TMEM161A: variants seen among roughly 807,000 people sequenced by gnomAD.
TMEM161A encodes the protein adaptive response to oxidative stress protein 29.
Under a neutral mutation model 57.1 loss-of-function variants are expected in TMEM161A, and 46 were observed. That is an observed-to-expected ratio of 0.81 (90% CI 0.64 to 1.03). The LOEUF (loss-of-function observed/expected upper bound fraction) is 1.03, where lower values mean the gene tolerates loss of function less well. TMEM161A is among the 50% of genes least tolerant of loss of function. The pLI is 0.00. For missense variants in TMEM161A, 601 were observed against 621.5 expected, an observed-to-expected ratio of 0.97 and a Z score of 0.35; for synonymous variants, 288 against 279.0, an observed-to-expected ratio of 1.03 and a Z score of -0.32.
chr19:19,132,663 C>T lies in TMEM161A; in HGVS notation c.280G>A (p.Ala94Thr). 1 of 1,568,820 alleles carries T rather than the reference C, an allele frequency of 6.4e-7. No homozygotes were observed. The highest frequency in any genetic ancestry group is 1.4e-5 in the African/African-American group (1 of 74,010). Reference sequence around the variant, plus strand: ...GATGGGACTGGGCTATTACCCAGGGCATCCACGGTCGTGAGGGGGCAGGTC... The same window carrying T: ...GATGGGACTGGGCTATTACCCAGGGTATCCACGGTCGTGAGGGGGCAGGTC... ...LETCPLTTVD[A>T]LVLRFFLEYQ... The change falls in exon 4 of 12, where the codon GCC becomes ACC. Residue 94 changes from alanine to threonine, a missense_variant. Transcript: ENST00000162044. The surrounding 1 kb of genome is among the most constrained non-coding windows in gnomAD (Gnocchi z 4.3).
Position 19,126,932 on chromosome 19 carries a change from A to G in TMEM161A, c.595+3224T>C, listed in dbSNP as rs550940809. On this transcript the variant is annotated intron_variant, in intron 6 of 11. Coordinates refer to ENST00000162044, the MANE Select transcript of TMEM161A (RefSeq NM_017814.3). Reference sequence around the variant, plus strand: ...TGTGGTGGTGGGAGCCTGTAGTCCCAGCTACTTGGGAGCCTGAGGCATGAG... The same window carrying G: ...TGTGGTGGTGGGAGCCTGTAGTCCCGGCTACTTGGGAGCCTGAGGCATGAG... Among the ~76,000 whole-genome samples the G allele has an allele frequency of 7.3e-5, 11 of 151,480 alleles. No individual in the cohort carries two copies. The South Asian group carries it at 2.3e-3, about 32-fold the overall frequency.
In TMEM161A at chr19:19,119,880, C is replaced by G; in HGVS notation, c.*50G>C. The G allele has an allele frequency of 6.5e-6, 10 of 1,535,340 alleles. No individual in the cohort carries two copies. Among genetic ancestry groups the G allele is most frequent in the Non-Finnish European group, 8.8e-6 (10 of 1,138,534 alleles). Reference sequence around the variant, plus strand: ...GCAAACAGAGGGGGCAGGCTAGTGTCCCGCTGCCCCAGGAACAGACCTCAG... The same window carrying G: ...GCAAACAGAGGGGGCAGGCTAGTGTGCCGCTGCCCCAGGAACAGACCTCAG... On this transcript the variant is annotated 3_prime_UTR_variant, in exon 12 of 12. Transcript: ENST00000162044.
intron 6 of TMEM161A, among the ~76,000 whole-genome samples, chr19:19,127,660 T>C (rs943440956): frequency 6.6e-6 from 1 of 151,318 alleles, no homozygotes; most frequent in Admixed American, 6.6e-5. Flanking sequence ...CTGGGCCCAG[T>C]GGCTCACGCC....
At position 19,119,961 on chromosome 19, in the gene TMEM161A, A is replaced by G; in HGVS notation, c.1409T>C (p.Leu470Pro). 1 of 1,562,526 alleles carries G rather than the reference A, an allele frequency of 6.4e-7. No individual in the cohort carries two copies. The highest frequency in any genetic ancestry group is 1.2e-5 in the South Asian group (1 of 84,966). Residue 470 changes from leucine to proline, a missense_variant, in exon 12 of 12, where the codon CTC becomes CCC. Coordinates refer to ENST00000162044, the MANE Select transcript of TMEM161A (RefSeq NM_017814.3). ...GCCTGCCAAGTGCTGGTGGAAGTAG[A>G]GGCCGAAAAGGCTGGCGAGCAGCTG... ...ACQLLASLFG[L>P]YFHQHLAGS
At chr19:19,133,047 C>G in intron 3 of TMEM161A, 83 bp downstream of exon 3, 1 of 1,347,722 alleles carries the variant, frequency 7.4e-7, no homozygotes, top group South Asian at 1.3e-5. Context: ...GTCCCTGAGC[C>G]CAGAGCCCCC....
chr19:19,120,913 C>G (rs748728543), intron 10 of TMEM161A, 52 bp from the exon 11 acceptor site: 1 of 1,611,612 alleles, frequency 6.2e-7, no homozygotes, highest in South Asian at 1.1e-5. Flanking sequence ...TGGTTTGGGA[C>G]GACTCCACGC....
At position 19,121,385 on chromosome 19, in the gene TMEM161A, G is replaced by A. The variant is rs763695838; in HGVS notation, c.837C>T (p.Phe279=). The A allele has an allele frequency of 6.2e-7, 1 of 1,611,912 alleles. No individual in the cohort carries two copies. Among genetic ancestry groups the A allele is most frequent in the South Asian group, 1.1e-5 (1 of 90,732 alleles). Residue 279 remains phenylalanine, a synonymous_variant, in exon 9 of 12, where the codon TTC becomes TTT. Transcript: ENST00000162044. The surrounding 1 kb of genome is among the most constrained non-coding windows in gnomAD (Gnocchi z 5.8). Reference sequence around the variant, plus strand: ...TGGGCTTTGTCCAGAGCCACAGGATGAACAGGGGAGACAGGAAGCTGGTGT... The same window carrying A: ...TGGGCTTTGTCCAGAGCCACAGGATAAACAGGGGAGACAGGAAGCTGGTGT... ...LLHTSFLSPL[F]ILWLWTKPIA... is the part of the protein sequence containing the mutation.
At chr19:19,134,473 A>C (rs1459758021) in intron 2 of TMEM161A, among the ~76,000 whole-genome samples, 2 of 152,016 alleles carry the variant, frequency 1.3e-5, no homozygotes, top group Non-Finnish European at 2.9e-5. Flanking sequence ...ATGGTGGCGC[A>C]CACCTGTAGT....
chr19:19,121,654 T>G lies in TMEM161A; in HGVS notation c.671A>C (p.Lys224Thr), dbSNP rs2059911564. Residue 224 changes from lysine to threonine, a missense_variant, in exon 8 of 12, where the codon AAG becomes ACG. By Grantham distance (78) the Lys-to-Thr change is moderately conservative. Coordinates refer to ENST00000162044, the MANE Select transcript of TMEM161A (RefSeq NM_017814.3). The surrounding 1 kb of genome is among the most constrained non-coding windows in gnomAD (Gnocchi z 5.8). The part of the protein sequence containing the change: ...QGWDWALPVA[K>T]LAIRVGLAVV... ...TGCCAGTCCCACGCGGATAGCCAGC[T>G]TGGCCACAGGAAGCCTAGGAGAACA... 9 of 1,613,644 alleles carry G rather than the reference T, an allele frequency of 5.6e-6. No individual in the cohort carries two copies. The highest frequency in any genetic ancestry group is 6.8e-6 in the Non-Finnish European group (8 of 1,179,774).
chr19:19,133,019 TGGGTG>T, intron 3 of TMEM161A, 106 bp downstream of exon 3: 1 of 988,378 alleles, frequency 1.0e-6, no homozygotes, highest in Non-Finnish European at 1.5e-6. Flanking sequence ...CCTGGAAGTA[TGGGTG>T]GGCCGGTCCT....
chr19:19,121,407 G>A lies in TMEM161A; in HGVS notation c.815C>T (p.Thr272Ile). 6.2e-7 allele frequency: 1 copy of A among 1,613,718 alleles called. No homozygotes were observed. Among genetic ancestry groups the A allele is most frequent in the East Asian group, 2.2e-5 (1 of 44,850 alleles). ...GATGAACAGGGGAGACAGGAAGCTG[G>A]TGTGCAGGAGGAACCTGGGGGGTGA... ...DRPMLQFLLH[T>I]SFLSPLFILW... The change falls in exon 9 of 12, where the codon ACC becomes ATC. Residue 272 changes from threonine (T) to isoleucine (I), a missense_variant. Transcript: ENST00000162044. This position sits in a 1 kb window ranked among gnomAD's most constrained non-coding sequence, Gnocchi z 5.8.
At chr19:19,120,675 C>A in intron 11 of TMEM161A, 90 bp downstream of exon 11, 1 of 1,255,390 alleles carries the variant, frequency 8.0e-7, no homozygotes, top group Non-Finnish European at 1.1e-6. Context: ...CGCCTCTCCC[C>A]CCCCACCGCG....
rs2059904057 is a variant in TMEM161A, at chr19:19,120,584, T to C, written c.1186+181A>G. On this transcript the variant is annotated intron_variant, in intron 11 of 11. Coordinates refer to ENST00000162044, the MANE Select transcript of TMEM161A (RefSeq NM_017814.3). The stretch of plus-strand genomic sequence containing the variant: ...GCACCCATCCCCAGGCTCCACTTCC[T>C]GTCCAAGGCAAGCCCCACTCCAGGC... 2.1e-5 allele frequency among the ~76,000 whole-genome samples: 3 copies of C among 145,494 alleles called. No individual in the cohort carries two copies. The South Asian group carries it at 6.6e-4, about 32-fold the overall frequency.
intron 10 of TMEM161A, 41 bp downstream of exon 10, chr19:19,120,951 C>A: frequency 6.2e-7 from 1 of 1,608,628 alleles, no homozygotes; most frequent in Non-Finnish European, 8.5e-7. Context: ...CCACCCTGAG[C>A]CCCAGGTTCC....
intron 6 of TMEM161A, among the ~76,000 whole-genome samples, chr19:19,122,126 T>C (rs1243155773): frequency 6.6e-6 from 1 of 152,030 alleles, no homozygotes; most frequent in Non-Finnish European, 1.5e-5. Flanking sequence ...AACCCCCGTC[T>C]CTACTAAAAA....
At chr19:19,124,400 G>T (rs1436603985) in intron 6 of TMEM161A, among the ~76,000 whole-genome samples, 1 of 152,088 alleles carries the variant, frequency 6.6e-6, no homozygotes, top group East Asian at 1.9e-4. Flanking sequence ...TGTCCTTCAA[G>T]AAAACAAGGA....
Position 19,130,550 on chromosome 19 carries a change from G to A in TMEM161A, c.444-243C>T, listed in dbSNP as rs1465056832. The A allele has an allele frequency of 5.6e-6, 3 of 531,652 alleles. No homozygotes were observed. The African/African-American group carries it at 5.7e-5, about 10-fold the overall frequency. 32.9% of individuals were successfully genotyped at this position (531,652 alleles called of 1,614,324 possible). ...GTGTCTGTACAGCCTCCCGCCCTGG[G>A]TGACCCTGCCTCTTTCACCCACCTC... is the stretch of plus-strand genomic sequence containing the variant. On this transcript the variant is annotated intron_variant, in intron 5 of 11. Transcript: ENST00000162044.
intron 1 of TMEM161A, 87 bp downstream of exon 1, chr19:19,138,339 C>G: frequency 6.5e-7 from 1 of 1,543,654 alleles, no homozygotes; most frequent in Non-Finnish European, 8.8e-7. Flanking sequence ...AGAAGAAACC[C>G]CAATCCATTC....
chr19:19,130,216 G>T lies in TMEM161A; in HGVS notation c.535C>A (p.Leu179Met). The change falls in exon 6 of 12, where the codon CTG becomes ATG. Residue 179 changes from leucine (L) to methionine (M), a missense_variant. Leu to Met is a conservative substitution (Grantham distance 15). Coordinates refer to ENST00000162044, the MANE Select transcript of TMEM161A (RefSeq NM_017814.3). ...ACCACTTGCACCAGCATGGCCAGCA[G>T]CAGGAAGAGGAAGGCAAAGGTGAGG... Reference protein sequence around the residue: ...VCLTFAFLFLLLAMLVQVVRE... With the variant: ...VCLTFAFLFLMLAMLVQVVRE... 1 of 1,613,984 alleles carries T rather than the reference G, an allele frequency of 6.2e-7. No homozygotes were observed.
Sources: allele counts gnomAD v4.1 joint callset (sites outside exome capture counted in the v4.1 genomes callset), GRCh38; gene constraint gnomAD v4.1.1; non-coding constraint Gnocchi (gnomAD v3.1); transcripts MANE v1.5; gene names NCBI Gene and HGNC (gene_info 2026-07-23, HGNC 2026-07-21).